SLC66A2: variants seen among roughly 807,000 people sequenced by gnomAD.
SLC66A2 encodes PQ loop repeat containing 1.
A neutral mutation model predicts 25.5 loss-of-function variants in SLC66A2; 23 were observed. That is an observed-to-expected ratio of 0.90 (90% confidence interval 0.65 to 1.28). The LOEUF is 1.28. Among genes scored for constraint, SLC66A2 ranks in the 50% most tolerant of loss-of-function variants. SLC66A2 has a pLI of 0.00. For missense variants in SLC66A2, 396 were observed against 373.1 expected, an observed-to-expected ratio of 1.06 and a Z score of -0.51; for synonymous variants, 193 against 166.5, an observed-to-expected ratio of 1.16 and a Z score of -1.23.
intron 5 of SLC66A2, among the ~76,000 whole-genome samples, chr18:79,906,090 T>TG (rs1982090317): frequency 6.6e-6 from 1 of 152,252 alleles, no homozygotes; most frequent in African/African-American, 2.4e-5. Flanking sequence ...TTGATGCCTG[T>TG]GGGGTCTACA....
At chr18:79,943,837 G>C (rs978986909) in intron 2 of SLC66A2, 2 of 210,076 alleles carry the variant, frequency 9.5e-6, no homozygotes, top group Non-Finnish European at 1.9e-5. Context: ...TCCCAATCCC[G>C]AACCTGCAGC....
rs748167009 is a variant in SLC66A2 at position 79,919,395 on chromosome 18, C to A, written c.397G>T (p.Asp133Tyr). The A allele has an allele frequency of 5.0e-6, 8 of 1,612,394 alleles. No homozygotes were observed. The highest frequency in any genetic ancestry group is 1.7e-5 in the Admixed American group (1 of 59,980). Reference protein sequence around the residue: ...VAPRRSFLDFDPHHFWQWSSF... With the variant: ...VAPRRSFLDFYPHHFWQWSSF... ...CTCCACTGCCAGAAGTGGTGGGGGT[C>A]GAAGTCTAGGGCGAGAGGGAGAAGC... Residue 133 changes from aspartate (D) to tyrosine (Y), a missense_variant, in exon 5 of 6, where the codon GAC (aspartate) becomes TAC (tyrosine). Physicochemically the swap from Asp to Tyr is radical, Grantham distance 160 (BLOSUM62 -3). Transcript: ENST00000397778.
intron 4 of SLC66A2, among the ~76,000 whole-genome samples, chr18:79,922,042 G>A (rs866138725): frequency 2.5e-4 from 38 of 151,696 alleles, no homozygotes; most frequent in Admixed American, 1.4e-3. Context: ...GGTCAGGGTC[G>A]GTGAGGAGAG....
chr18:79,933,858 T>C (rs774108034), intron 4 of SLC66A2, 111 bp downstream of exon 4: 36 of 936,088 alleles, frequency 3.8e-5, no homozygotes, highest in Admixed American at 3.3e-4. Context: ...CCACGCTTGG[T>C]AAAGATGACG....
intron 5 of SLC66A2, among the ~76,000 whole-genome samples, chr18:79,905,914 G>C (rs1982063307): frequency 5.9e-5 from 9 of 152,168 alleles, no homozygotes; most frequent in Admixed American, 5.9e-4. Context: ...GGCTTCTCTG[G>C]AAAAAGAGCC....
In SLC66A2 at chr18:79,903,884, T is replaced by C; in HGVS notation, c.*92A>G. On this transcript the variant is annotated 3_prime_UTR_variant, in exon 6 of 6. Coordinates refer to ENST00000397778, the MANE Select transcript of SLC66A2 (RefSeq NM_025078.5). ...GCCCATGCCCCATCTCTGCCACACC[T>C]GCAGGGGCCACAGCACCCACCCTCC... 8.3e-7 allele frequency: 1 copy of C among 1,204,598 alleles called. No homozygotes were observed. The highest frequency in any genetic ancestry group is 1.1e-6 in the Non-Finnish European group (1 of 873,142). The allele number at this position is 1,204,598 out of a possible 1,614,324, so 74.6% of individuals were successfully genotyped here.
intron 4 of SLC66A2, among the ~76,000 whole-genome samples, chr18:79,923,319 G>T (rs904014936): frequency 1.0e-4 from 15 of 150,690 alleles, no homozygotes; most frequent in Non-Finnish European, 1.9e-4. Flanking sequence ...GTGGATGGTG[G>T]ACGGGCAGGC....
intron 5 of SLC66A2, among the ~76,000 whole-genome samples, chr18:79,916,685 G>T (rs1181154236): frequency 6.6e-6 from 1 of 152,266 alleles, no homozygotes; most frequent in Non-Finnish European, 1.5e-5. Flanking sequence ...CGTGAGGGCG[G>T]CAGCCCCACT....
At chr18:79,933,730 T>G (rs8094756) in intron 4 of SLC66A2, among the ~76,000 whole-genome samples, 1 of 152,122 alleles carries the variant, frequency 6.6e-6, no homozygotes, top group Non-Finnish European at 1.5e-5. Flanking sequence ...GTCTCCCTCC[T>G]GCTTCCCCTT....
In SLC66A2 at chr18:79,937,987, T is replaced by C. The variant is rs1987270852; in HGVS notation, c.338-3965A>G. 6.6e-6 allele frequency among the ~76,000 whole-genome samples: 1 copy of C among 151,698 alleles called. No individual in the cohort carries two copies. The highest frequency in any genetic ancestry group is 2.1e-4 in the South Asian group (1 of 4,800). ...CACGGATTTTTAAACAACAAAATCGTATATACTGCCAGACACAGGGGCTCA... is the reference window on the plus strand; with the variant it reads ...CACGGATTTTTAAACAACAAAATCGCATATACTGCCAGACACAGGGGCTCA... On this transcript the variant is annotated intron_variant, in intron 3 of 5. Transcript: ENST00000397778. The surrounding 1 kb of genome is among the most constrained non-coding windows in gnomAD (Gnocchi z 5.4).
At position 79,917,820 on chromosome 18, in the gene SLC66A2, C is replaced by T. The variant is rs1238503159; in HGVS notation, c.608+1364G>A. Among the ~76,000 whole-genome samples, 1 of 151,894 alleles carries T rather than the reference C, an allele frequency of 6.6e-6. No homozygotes were observed. Among genetic ancestry groups the T allele is most frequent in the Non-Finnish European group, 1.5e-5 (1 of 67,966 alleles). ...ATCACACCAACCAGGGCAGCCCAAT[C>T]CCCACCTGCACCCCACACCACACCC... On this transcript the variant is annotated intron_variant, in intron 5 of 5. Coordinates refer to ENST00000397778, the MANE Select transcript of SLC66A2 (RefSeq NM_025078.5). The surrounding 1 kb of genome is among the most constrained non-coding windows in gnomAD (Gnocchi z 6.0).
At position 79,906,745 on chromosome 18, in the gene SLC66A2, C is replaced by G. The variant is rs981765395; in HGVS notation, c.609-2562G>C. 2.6e-5 allele frequency among the ~76,000 whole-genome samples: 4 copies of G among 152,198 alleles called. 1 individual carries two copies. Among genetic ancestry groups the G allele is most frequent in the Admixed American group, 2.0e-4 (3 of 15,280 alleles). On this transcript the variant is annotated intron_variant, in intron 5 of 5. Transcript: ENST00000397778. ...TCCTTGCTAACTTTGTCTGCTTTTT[C>G]TATCAGTTACTGAGGAAAGCTGGAG...
intron 5 of SLC66A2, among the ~76,000 whole-genome samples, chr18:79,912,231 C>T (rs1430457133): frequency 7.6e-6 from 1 of 132,412 alleles, no homozygotes; most frequent in Non-Finnish European, 1.6e-5. Context: ...GGGTCACATC[C>T]AACCGGCGAT....
intron 4 of SLC66A2, among the ~76,000 whole-genome samples, chr18:79,929,827 A>G (rs1188937838): frequency 6.6e-6 from 1 of 152,202 alleles, no homozygotes; most frequent in Non-Finnish European, 1.5e-5. Context: ...AAAACTCACT[A>G]TAAGGGCTCA....
intron 5 of SLC66A2, among the ~76,000 whole-genome samples, chr18:79,905,193 A>G (rs1981912304): frequency 6.6e-6 from 1 of 152,178 alleles, no homozygotes; most frequent in African/African-American, 2.4e-5. Flanking sequence ...TTATCATTAC[A>G]CCCACTGGGA....
chr18:79,949,537 A>T (rs1290154905), intron 2 of SLC66A2: 1 of 151,560 alleles, frequency 6.6e-6, no homozygotes, highest in African/African-American at 2.4e-5. Context: ...GGTGGCAGGC[A>T]CCTGTAGTCC....
chr18:79,914,307 T>G (rs895256682), intron 5 of SLC66A2, among the ~76,000 whole-genome samples: 2 of 152,216 alleles, frequency 1.3e-5, no homozygotes, highest in African/African-American at 4.8e-5. Context: ...GCACACATGA[T>G]CTATCAAACC....
chr18:79,924,509 G>A (rs1472013487), intron 4 of SLC66A2, among the ~76,000 whole-genome samples: 1 of 152,170 alleles, frequency 6.6e-6, no homozygotes, highest in Non-Finnish European at 1.5e-5. Context: ...CAGTGGTGAT[G>A]GCCGCACAAC....
intron 3 of SLC66A2, among the ~76,000 whole-genome samples, chr18:79,936,374 C>T (rs1987089006): frequency 6.6e-6 from 1 of 152,244 alleles, no homozygotes; most frequent in Non-Finnish European, 1.5e-5. Context: ...ACATACAACA[C>T]ATTTTCCAGC....
Sources: allele counts gnomAD v4.1 joint callset (sites outside exome capture counted in the v4.1 genomes callset), GRCh38; gene constraint gnomAD v4.1.1; non-coding constraint Gnocchi (gnomAD v3.1); transcripts MANE v1.5; gene names NCBI Gene and HGNC (gene_info 2026-07-23, HGNC 2026-07-21).